PPIL4: variants seen among roughly 807,000 people sequenced by gnomAD.
The protein encoded by PPIL4 is peptidylprolyl isomerase like 4, also known as peptidyl-prolyl cis-trans isomerase-like 4.
A neutral mutation model predicts 69.1 loss-of-function variants in PPIL4; 50 were observed. That is an observed-to-expected ratio of 0.72 (90% CI 0.58 to 0.92). PPIL4 has a LOEUF of 0.92. Among genes scored for constraint, PPIL4 ranks in the 40% least tolerant of loss-of-function variants. The pLI, the probability that PPIL4 is intolerant of heterozygous loss-of-function variation, is 0.00. For missense variants in PPIL4, 480 were observed against 587.9 expected, an observed-to-expected ratio of 0.82 and a Z score of 1.90; for synonymous variants, 193 against 191.6, an observed-to-expected ratio of 1.01 and a Z score of -0.06.
chr6:149,507,209 A>G (rs531164191), intron 12 of PPIL4, among the ~76,000 whole-genome samples: 4 of 152,338 alleles, frequency 2.6e-5, no homozygotes, highest in African/African-American at 9.6e-5. Flanking sequence ...TAAGCAAATT[A>G]TTAGTTATTC....
chr6:149,530,696 A>G (rs988115305), intron 7 of PPIL4, among the ~76,000 whole-genome samples: 2 of 151,872 alleles, frequency 1.3e-5, no homozygotes, highest in African/African-American at 4.8e-5. Flanking sequence ...TCCTTACAGT[A>G]GAATGCAGGT....
chr6:149,542,682 G>T (rs1333920565), intron 1 of PPIL4, among the ~76,000 whole-genome samples: 1 of 152,190 alleles, frequency 6.6e-6, no homozygotes, highest in Admixed American at 6.5e-5. Context: ...TTCCACAAGA[G>T]TTCAAAAGAT....
chr6:149,531,735 T>C (rs1777202405), intron 7 of PPIL4, among the ~76,000 whole-genome samples: 1 of 152,070 alleles, frequency 6.6e-6, no homozygotes, highest in Non-Finnish European at 1.5e-5. Flanking sequence ...AATGGCGCGA[T>C]CTCGGCTCAC....
At chr6:149,534,876 C>A in intron 5 of PPIL4, 102 bp from the exon 6 acceptor site, 2 of 626,578 alleles carry the variant, frequency 3.2e-6, no homozygotes, top group Non-Finnish European at 5.3e-6. Flanking sequence ...TCTCTAAGGC[C>A]AAAAAAAACC....
intron 9 of PPIL4, among the ~76,000 whole-genome samples, chr6:149,524,048 T>C (rs1032177207): frequency 5.3e-5 from 8 of 152,296 alleles, no homozygotes; most frequent in East Asian, 3.9e-4. Flanking sequence ...CATAAATGCT[T>C]TGTAATAATT....
chr6:149,506,228 CA>C (rs949183235), intron 12 of PPIL4, among the ~76,000 whole-genome samples: 11 of 152,258 alleles, frequency 7.2e-5, no homozygotes, highest in South Asian at 2.1e-4. Flanking sequence ...TCTGTAATCC[CA>C]GCACTTTGGG....
At position 149,505,422 on chromosome 6, in the gene PPIL4, TG is replaced by T; in HGVS notation, c.*30del. 6.3e-7 allele frequency: 1 copy of T among 1,595,022 alleles called. No individual in the cohort carries two copies. The highest frequency in any genetic ancestry group is 8.5e-7 in the Non-Finnish European group (1 of 1,172,106). On this transcript the variant is annotated 3_prime_UTR_variant, in exon 13 of 13. Coordinates refer to ENST00000253329, the MANE Select transcript of PPIL4 (RefSeq NM_139126.4). ...CTCTTAAGTTAGACAAGAGTAAATA[TG>T]TTAGCCTCTCAATTCTGCCTCTTCA... is the stretch of plus-strand genomic sequence containing the variant.
At chr6:149,522,887 A>G (rs1436215949) in intron 9 of PPIL4, among the ~76,000 whole-genome samples, 1 of 152,208 alleles carries the variant, frequency 6.6e-6, no homozygotes, top group African/African-American at 2.4e-5. Context: ...CTGGGATTAC[A>G]GGCGTGAGCC....
intron 12 of PPIL4, among the ~76,000 whole-genome samples, chr6:149,511,366 A>G (rs1776838518): frequency 6.6e-6 from 1 of 151,836 alleles, no homozygotes; most frequent in Non-Finnish European, 1.5e-5. Context: ...AGTAGCTGAG[A>G]CCATAGGTGC....
intron 4 of PPIL4, among the ~76,000 whole-genome samples, chr6:149,538,717 G>C (rs1449502742): frequency 6.6e-6 from 1 of 152,220 alleles, no homozygotes; most frequent in African/African-American, 2.4e-5. Flanking sequence ...AACTGCAAAT[G>C]TGGTGGAAAC....
intron 12 of PPIL4, among the ~76,000 whole-genome samples, chr6:149,510,672 G>A (rs1039123034): frequency 1.3e-5 from 2 of 152,092 alleles, no homozygotes; most frequent in African/African-American, 4.8e-5. Context: ...AACCCAGGAG[G>A]CGGAGGTTGC....
intron 11 of PPIL4, among the ~76,000 whole-genome samples, chr6:149,514,974 T>A (rs1240515117): frequency 6.6e-6 from 1 of 151,866 alleles, no homozygotes; most frequent in East Asian, 1.9e-4. Context: ...GTAGCTGGGA[T>A]TACAGGCATC....
At position 149,521,102 on chromosome 6, in the gene PPIL4, C is replaced by T; in HGVS notation, c.940G>A (p.Asp314Asn). The T allele has an allele frequency of 1.2e-6, 2 of 1,607,892 alleles. No homozygotes were observed. Residue 314 changes from aspartate to asparagine, a missense_variant, in exon 10 of 13, where the codon GAT becomes AAT. Transcript: ENST00000253329. ...VLIDDRRIHV[D>N]FSQSVAKVKW... ...ACCTTTGCAACCGACTGGCTAAAATCCACATGTATTCTTCTGTCATCTATA... is the reference window on the plus strand; with the variant it reads ...ACCTTTGCAACCGACTGGCTAAAATTCACATGTATTCTTCTGTCATCTATA...
At chr6:149,511,898 G>A (rs1403560952) in intron 12 of PPIL4, among the ~76,000 whole-genome samples, 1 of 152,138 alleles carries the variant, frequency 6.6e-6, no homozygotes, top group East Asian at 1.9e-4. Context: ...GTATCCACAG[G>A]TACGGAAATC....
rs972545212 is a variant in PPIL4, at chr6:149,533,367, A to G, written c.678+91T>C. The stretch of plus-strand genomic sequence containing the variant: ...AAAAAATCATAACTCAATTTTTAAC[A>G]TTTTAAGACTACTGAAGAGCCAGAA... On this transcript the variant is annotated intron_variant, in intron 7 of 12. Coordinates refer to ENST00000253329, the MANE Select transcript of PPIL4 (RefSeq NM_139126.4). 7.0e-6 allele frequency: 5 copies of G among 715,142 alleles called. No homozygotes were observed. In the African/African-American group the frequency reaches 9.0e-5, roughly 13 times the overall value. 44.3% of individuals were successfully genotyped at this position (715,142 alleles called of 1,614,324 possible).
intron 11 of PPIL4, among the ~76,000 whole-genome samples, chr6:149,512,700 AG>A (rs1776871470): frequency 6.6e-6 from 1 of 152,212 alleles, no homozygotes; most frequent in Non-Finnish European, 1.5e-5. Context: ...AGTTCAATCA[AG>A]AGGAAATTCA....
intron 4 of PPIL4, among the ~76,000 whole-genome samples, chr6:149,536,086 T>A (rs1777271187): frequency 6.6e-6 from 1 of 152,248 alleles, no homozygotes; most frequent in Non-Finnish European, 1.5e-5. Context: ...TACTATTGTA[T>A]CTGTTATTAC....
rs2115043423 is a variant in PPIL4, at chr6:149,546,021, T to A, written c.-16A>T. The A allele has an allele frequency of 6.4e-7, 1 of 1,565,552 alleles. No homozygotes were observed. The highest frequency in any genetic ancestry group is 1.4e-5 in the African/African-American group (1 of 73,636). On this transcript the variant is annotated 5_prime_UTR_variant, in exon 1 of 13. Coordinates refer to ENST00000253329, the MANE Select transcript of PPIL4 (RefSeq NM_139126.4). ...GAACCGCCATGGCGCCCGCTCCTCC[T>A]CCGCTACAAACCCCGGGAGGAGGGG...
rs1373626539 is a variant in PPIL4 at position 149,504,874 on chromosome 6, A to G, written c.*579T>C. 6.6e-6 allele frequency: 1 copy of G among 152,268 alleles called. No individual in the cohort carries two copies. Among genetic ancestry groups the G allele is most frequent in the East Asian group, 1.9e-4 (1 of 5,208 alleles). The allele number at this position is 152,268 out of a possible 1,614,324, so 9.4% of individuals were successfully genotyped here. A position where few individuals can be genotyped will look rare whatever the true frequency, so the allele number is the denominator to read the frequency against. On this transcript the variant is annotated 3_prime_UTR_variant, in exon 13 of 13. Coordinates refer to ENST00000253329, the MANE Select transcript of PPIL4 (RefSeq NM_139126.4). ...CCATCAAGAATGAATAAGTTGTAGT[A>G]TATTTATATAATACTATATAGCAAT...
Sources: allele counts gnomAD v4.1 joint callset (sites outside exome capture counted in the v4.1 genomes callset), GRCh38; gene constraint gnomAD v4.1.1; transcripts MANE v1.5; gene names NCBI Gene and HGNC (gene_info 2026-07-23, HGNC 2026-07-21).